Variants in ALG12 observed in about 807,000 individuals in gnomAD.
The protein encoded by ALG12 is ALG12 alpha-1,6-mannosyltransferase.
A neutral mutation model predicts 46.0 loss-of-function variants in ALG12; 36 were observed. That is an observed-to-expected ratio of 0.78 (90% CI 0.60 to 1.03). The LOEUF (loss-of-function observed/expected upper bound fraction) is 1.03. ALG12 is among the 50% of genes least tolerant of loss of function. The probability of loss-of-function intolerance (pLI) is 0.00; values close to 1 mark genes in which losing one functional copy is unlikely to be tolerated. For missense variants in ALG12, 599 were observed against 633.5 expected, an observed-to-expected ratio of 0.95 and a Z score of 0.58; for synonymous variants, 326 against 291.6, an observed-to-expected ratio of 1.12 and a Z score of -1.20.
chr22:49,867,416 G>A, the ALG12 span, among the ~76,000 whole-genome samples: 21 of 152,360 alleles, frequency 1.4e-4, no homozygotes, highest in Non-Finnish European at 7.3e-5. Context: ...CACTGGGTCA[G>A]TTGGCTGACG....
In ALG12 at chr22:49,911,845, C is replaced by G. The variant is rs147458958; in HGVS notation, c.296-1238G>C. Among the ~76,000 whole-genome samples the G allele has an allele frequency of 6.9e-3, 1,052 of 152,334 alleles. 9 individuals carry two copies. The highest frequency in any genetic ancestry group is 0.024 in the African/African-American group (985 of 41,570). ...GGGCTTTTAAACAATTCACAGACCC[C>G]AGCAAAGCCCCGCTTCCCCTTTTCC... On this transcript the variant is annotated intron_variant, in intron 3 of 9. Transcript: ENST00000330817.
the ALG12 span, among the ~76,000 whole-genome samples, chr22:49,882,870 G>C: frequency 1.3e-5 from 2 of 152,208 alleles, no homozygotes; most frequent in Non-Finnish European, 1.5e-5. Context: ...TTCCTATTCA[G>C]CTTTTCGTCT....
chr22:49,884,132 T>G, the ALG12 span: 1 of 1,613,800 alleles, frequency 6.2e-7, no homozygotes, highest in Non-Finnish European at 8.5e-7. Flanking sequence ...ACCAGTTGTC[T>G]CATGAGGCAC....
At chr22:49,883,907 A>C in the ALG12 span, 2 of 1,607,696 alleles carry the variant, frequency 1.2e-6, no homozygotes, top group Non-Finnish European at 1.7e-6. Context: ...AGTGAGGATG[A>C]CTATGGCGCG....
Position 49,910,068 on chromosome 22 carries a change from A to G in ALG12, c.490T>C (p.Trp164Arg). Residue 164 changes from tryptophan (W) to arginine (R), a missense_variant, in exon 5 of 10, where the codon TGG becomes CGG. Coordinates refer to ENST00000330817, the MANE Select transcript of ALG12 (RefSeq NM_024105.4). ...LPVVLLALAA[W>R]LRHEWARFIW... ...AAGCGGGCCCACTCGTGCCGCAGCC[A>G]GGCCGCGAGGGCCAGCAGGACTGCA... 1 of 1,610,608 alleles carries G rather than the reference A, an allele frequency of 6.2e-7. No individual in the cohort carries two copies. The highest frequency in any genetic ancestry group is 8.5e-7 in the Non-Finnish European group (1 of 1,178,904).
In ALG12 at chr22:49,902,447, C is replaced by CG. The variant is rs1569171941; in HGVS notation, c.*1390_*1391insC. 7.8e-4 allele frequency: 87 copies of CG among 111,622 alleles called. 1 individual carries two copies. Among genetic ancestry groups the CG allele is most frequent in the African/African-American group, 3.4e-3 (84 of 24,578 alleles). The allele number at this position is 111,622 out of a possible 1,614,324, so 6.9% of individuals were successfully genotyped here. A position where few individuals can be genotyped will look rare whatever the true frequency, so the allele number is the denominator to read the frequency against. ...TATGCATGGTGTGTGCACGTGTGCA[C>CG]TGTGTATGCATGGTGTGTGCACGTG... is the stretch of plus-strand genomic sequence containing the variant. On this transcript the variant is annotated 3_prime_UTR_variant, in exon 10 of 10. Transcript: ENST00000330817.
chr22:49,910,636 C>T (rs1346027948), intron 3 of ALG12, 29 bp from the exon 4 acceptor site: 1 of 1,613,874 alleles, frequency 6.2e-7, no homozygotes, highest in Non-Finnish European at 8.5e-7. Flanking sequence ...AGCACCTGAG[C>T]CTGCAGTGGA....
chr22:49,896,785 G>A (rs2060484918), downstream of ALG12, among the ~76,000 whole-genome samples: 1 of 151,912 alleles, frequency 6.6e-6, no homozygotes, highest in African/African-American at 2.4e-5. Flanking sequence ...ACAGGTGCCT[G>A]CCACCACGCC....
the ALG12 span, among the ~76,000 whole-genome samples, chr22:49,871,873 G>GT: frequency 6.6e-6 from 1 of 151,886 alleles, no homozygotes; most frequent in South Asian, 2.1e-4. Flanking sequence ...TCCTGCCTCA[G>GT]TAGCTGGGAT....
chr22:49,885,557 G>A, the ALG12 span: 2 of 1,604,804 alleles, frequency 1.2e-6, no homozygotes, highest in Non-Finnish European at 1.7e-6. Flanking sequence ...GTGCCGCGGG[G>A]CACAGAATTA....
At chr22:49,912,529 A>G (rs1601825931) in intron 3 of ALG12, among the ~76,000 whole-genome samples, 1 of 152,148 alleles carries the variant, frequency 6.6e-6, no homozygotes. Flanking sequence ...TCCCCGTGCC[A>G]TGGTGGGTTT....
chr22:49,875,668 G>T, the ALG12 span, among the ~76,000 whole-genome samples: 11 of 152,042 alleles, frequency 7.2e-5, no homozygotes, highest in Non-Finnish European at 1.2e-4. Flanking sequence ...TGACCTACCT[G>T]TCTTGGCCTC....
the ALG12 span, among the ~76,000 whole-genome samples, chr22:49,866,540 A>G: frequency 3.9e-5 from 6 of 152,146 alleles, no homozygotes; most frequent in East Asian, 1.9e-4. Context: ...ATAATCTCAC[A>G]TCAGAATTTT....
intron 1 of ALG12, among the ~76,000 whole-genome samples, chr22:49,916,506 G>T (rs2060610041): frequency 6.6e-6 from 1 of 152,122 alleles, no homozygotes; most frequent in Non-Finnish European, 1.5e-5. Context: ...CTTGAACTCG[G>T]GAGGCAGAGG....
rs182006999 is a variant in ALG12 at position 49,904,452 on chromosome 22, G to C, written c.1047C>G (p.Ile349Met). 229 of 1,614,152 alleles carry C rather than the reference G, an allele frequency of 1.4e-4. 2 individuals are homozygous for C. The Middle Eastern group carries it at 2.1e-3, about 15-fold the overall frequency. ...WLYKAGSLLV[I>M]GHLVVNAAYS... ...AGGCGGCATTCACCACGAGGTGTCC[G>C]ATCACAAGCAGAGACCCCGCTTTGT... The change falls in exon 8 of 10, where the codon ATC (isoleucine) becomes ATG (methionine). Residue 349 changes from isoleucine (I) to methionine (M), a missense_variant. Coordinates refer to ENST00000330817, the MANE Select transcript of ALG12 (RefSeq NM_024105.4).
the ALG12 span, among the ~76,000 whole-genome samples, chr22:49,866,618 G>C: frequency 6.6e-6 from 1 of 152,120 alleles, no homozygotes; most frequent in Non-Finnish European, 1.5e-5. Flanking sequence ...GCAAGAGGAA[G>C]TTACCGTTTT....
chr22:49,904,846 T>A (rs2060534427), intron 7 of ALG12, among the ~76,000 whole-genome samples: 1 of 152,120 alleles, frequency 6.6e-6, no homozygotes, highest in Non-Finnish European at 1.5e-5. Flanking sequence ...TTCAAGTGAT[T>A]CTCCTGCCTC....
downstream of ALG12, among the ~76,000 whole-genome samples, chr22:49,898,122 T>C (rs2060491050): frequency 6.6e-6 from 1 of 152,102 alleles, no homozygotes; most frequent in African/African-American, 2.4e-5. Context: ...TGCCTCAGCC[T>C]CCCAAGTAGC....
At chr22:49,911,642 C>T (rs2060577081) in intron 3 of ALG12, among the ~76,000 whole-genome samples, 1 of 152,152 alleles carries the variant, frequency 6.6e-6, no homozygotes, top group South Asian at 2.1e-4. Flanking sequence ...CCATGTTGGC[C>T]AGGATGGTCT....
Sources: gnomAD v4.1 joint callset for allele counts (sites outside exome capture counted in the v4.1 genomes callset) on GRCh38, gnomAD v4.1.1 for gene constraint, MANE v1.5 for transcripts, NCBI Gene and HGNC (gene_info 2026-07-23, HGNC 2026-07-21) for gene names.